Variants in GPM6A observed in about 807,000 individuals in gnomAD.
The protein encoded by GPM6A is neuronal membrane glycoprotein M6-a.
A neutral mutation model predicts 32.1 loss-of-function variants in GPM6A; 7 were observed. That is an observed-to-expected ratio of 0.22 (90% CI 0.12 to 0.41). GPM6A has a LOEUF of 0.41. Ranked by LOEUF, GPM6A falls within the 10% of genes least tolerant of loss-of-function variation. The pLI is 1.00. For missense variants in GPM6A, 235 were observed against 347.2 expected (o/e 0.68, Z 2.57); for synonymous variants, 130 against 123.4 (o/e 1.05, Z -0.35).
At chr4:175,815,067 G>C (rs1735056267), upstream of GPM6A, among the ~76,000 whole-genome samples, 1 of 152,006 alleles carries the variant, frequency 6.6e-6, no homozygotes, top group Non-Finnish European at 1.5e-5. Flanking sequence ...CCAGAGTGCA[G>C]TGGCATGATC....
chr4:175,704,085 T>C (rs1217729567), intron 1 of GPM6A, among the ~76,000 whole-genome samples: 1 of 152,186 alleles, frequency 6.6e-6, no homozygotes, highest in Non-Finnish European at 1.5e-5. Context: ...ATATGAAGCA[T>C]GTGATAATTG....
intron 1 of GPM6A, among the ~76,000 whole-genome samples, chr4:175,734,158 A>ATTT (rs757719009): frequency 2.3e-5 from 2 of 87,224 alleles, no homozygotes; most frequent in South Asian, 7.2e-4. Context: ...ATATATATAT[A>ATTT]TATTTTTTAA....
At chr4:175,817,087 T>C (rs1035061396), upstream of GPM6A, among the ~76,000 whole-genome samples, 1 of 152,128 alleles carries the variant, frequency 6.6e-6, no homozygotes, top group African/African-American at 2.4e-5. Context: ...CTCGATCTCC[T>C]GACTTCGTGA....
chr4:175,872,625 C>A (rs2111441285), intron 1 of GPM6A: 1 of 152,248 alleles, frequency 6.6e-6, no homozygotes, highest in South Asian at 2.1e-4. Context: ...AATAAATACT[C>A]CCATCTTTAA....
intron 1 of GPM6A, among the ~76,000 whole-genome samples, chr4:175,773,508 T>C (rs1733271675): frequency 6.6e-6 from 1 of 152,178 alleles, no homozygotes; most frequent in African/African-American, 2.4e-5. Context: ...TCAAGATAAA[T>C]ATTGATTTTC....
chr4:175,719,386 G>T (rs956629576), intron 1 of GPM6A, among the ~76,000 whole-genome samples: 2 of 152,054 alleles, frequency 1.3e-5, no homozygotes, highest in African/African-American at 2.4e-5. Flanking sequence ...TTTTAGTAGA[G>T]ACGGGGTTTC....
intron 1 of GPM6A, among the ~76,000 whole-genome samples, chr4:175,901,065 A>G (rs1049395911): frequency 1.3e-5 from 2 of 151,980 alleles, no homozygotes; most frequent in African/African-American, 4.8e-5. Flanking sequence ...TGTGGGATCT[A>G]AAAATCAAAA....
At chr4:175,809,849 C>G (rs916305897) in intron 1 of GPM6A, among the ~76,000 whole-genome samples, 1 of 151,958 alleles carries the variant, frequency 6.6e-6, no homozygotes, top group African/African-American at 2.4e-5. Context: ...ATTAATGAAT[C>G]CACTGAATTT....
intron 1 of GPM6A, among the ~76,000 whole-genome samples, chr4:175,946,907 A>C (rs1272697986): frequency 6.6e-6 from 1 of 152,190 alleles, no homozygotes; most frequent in Non-Finnish European, 1.5e-5. Flanking sequence ...ACTTCTGCTC[A>C]ACTTCCTGAG....
chr4:175,712,969 T>C (rs1449171187), intron 1 of GPM6A, among the ~76,000 whole-genome samples: 1 of 152,168 alleles, frequency 6.6e-6, no homozygotes, highest in Non-Finnish European at 1.5e-5. Flanking sequence ...TAGCCAGGAT[T>C]GCAGTGCTCA....
At chr4:175,878,146 A>G (rs1737145583) in intron 1 of GPM6A, among the ~76,000 whole-genome samples, 1 of 152,178 alleles carries the variant, frequency 6.6e-6, no homozygotes, top group Admixed American at 6.5e-5. Flanking sequence ...TTTGCAGGGT[A>G]CAGCCTCCCT....
intron 1 of GPM6A, among the ~76,000 whole-genome samples, chr4:175,735,279 C>T (rs1731610950): frequency 6.6e-6 from 1 of 152,048 alleles, no homozygotes; most frequent in Non-Finnish European, 1.5e-5. Context: ...AGTTTAAAAT[C>T]CTGGCGTCAT....
intron 1 of GPM6A, among the ~76,000 whole-genome samples, chr4:175,970,018 C>T (rs1488699022): frequency 6.6e-6 from 1 of 152,196 alleles, no homozygotes; most frequent in Non-Finnish European, 1.5e-5. Context: ...CAATTACTTT[C>T]AGATATTATT....
chr4:175,723,431 A>C (rs1383241120), intron 1 of GPM6A, among the ~76,000 whole-genome samples: 2 of 151,924 alleles, frequency 1.3e-5, no homozygotes, highest in Non-Finnish European at 2.9e-5. Context: ...TTTTATTTTT[A>C]TTTTTTTATT....
At chr4:175,652,116 G>A (rs1741844186) in intron 3 of GPM6A, 129 bp from the exon 4 acceptor site, 1 of 587,820 alleles carries the variant, frequency 1.7e-6, no homozygotes, top group East Asian at 3.0e-5. Flanking sequence ...TCACAACACT[G>A]TTGATTTGCA....
intron 1 of GPM6A, among the ~76,000 whole-genome samples, chr4:175,718,296 C>T (rs996765707): frequency 2.0e-5 from 3 of 152,024 alleles, no homozygotes; most frequent in Non-Finnish European, 4.4e-5. Context: ...ACAAGTAAAA[C>T]TTTGTAAACT....
chr4:175,638,348 A>T (rs1740936283), intron 6 of GPM6A, among the ~76,000 whole-genome samples: 1 of 152,086 alleles, frequency 6.6e-6, no homozygotes, highest in Non-Finnish European at 1.5e-5. Context: ...TAAATTGGAA[A>T]TACTTAGGTC....
Position 175,859,880 on chromosome 4 carries a change from G to A in GPM6A, c.-22-47631C>T, listed in dbSNP as rs575821131. 2.0e-5 allele frequency among the ~76,000 whole-genome samples: 3 copies of A among 152,144 alleles called. No homozygotes were observed. The South Asian group carries it at 6.2e-4, about 31-fold the overall frequency. ...TATGTCAAGGGCTCTAATGTAAAAAGTAGGCAACACAAAATAGCTGCTAAA... is the reference window on the plus strand; with the variant it reads ...TATGTCAAGGGCTCTAATGTAAAAAATAGGCAACACAAAATAGCTGCTAAA... On this transcript the variant is annotated intron_variant, in intron 1 of 7. Coordinates refer to the GPM6A transcript ENST00000280187.
chr4:175,986,208 T>G (rs935291733), intron 1 of GPM6A, among the ~76,000 whole-genome samples: 3 of 152,258 alleles, frequency 2.0e-5, no homozygotes, highest in East Asian at 1.9e-4. Context: ...ATCCCTCCAT[T>G]CCAATAAGTG....
Sources: gnomAD v4.1 joint callset for allele counts (sites outside exome capture counted in the v4.1 genomes callset) on GRCh38, gnomAD v4.1.1 for gene constraint, MANE v1.5 for transcripts, NCBI Gene and HGNC (gene_info 2026-07-23, HGNC 2026-07-21) for gene names.